The following LTBP4 variants were observed in gnomAD, a reference collection of about 807,000 sequenced individuals.
The protein encoded by LTBP4 is latent-transforming growth factor beta-binding protein 4.
Under a neutral mutation model 180.2 loss-of-function variants are expected in LTBP4, and 93 were observed. That is an observed-to-expected ratio of 0.52 (90% CI 0.44 to 0.61). The LOEUF is 0.61. Ranked by LOEUF, LTBP4 falls within the 20% of genes least tolerant of loss-of-function variation. The pLI is 0.00. For synonymous variants in LTBP4, 947 were observed against 934.5 expected (o/e 1.01, Z -0.24); for missense variants, 2,116 against 2,256.5 (o/e 0.94, Z 1.26).
At position 40,629,381 on chromosome 19, in the gene LTBP4, G is replaced by T; in HGVS notation, c.4520-15G>T. On this transcript the variant is annotated splice_polypyrimidine_tract_variant and intron_variant, in intron 29 of 29. Transcript: ENST00000396819. This position sits in a 1 kb window ranked among gnomAD's most constrained non-coding sequence, Gnocchi z 4.5. ...GCCCCAGCCTTCAGCAGCGATCGTT[G>T]TCTCCCCTCCGCAGACATCAACGAG... The T allele has an allele frequency of 6.2e-7, 1 of 1,612,458 alleles. No homozygotes were observed. The highest frequency in any genetic ancestry group is 8.5e-7 in the Non-Finnish European group (1 of 1,179,376).
Position 40,629,172 on chromosome 19 carries a change from C to T in LTBP4, c.4520-224C>T, listed in dbSNP as rs1313810051. On this transcript the variant is annotated intron_variant, in intron 29 of 29. Transcript: ENST00000396819. The surrounding 1 kb of genome is among the most constrained non-coding windows in gnomAD (Gnocchi z 4.5). ...CCATTATTATTTTCTTAACAAAATC[C>T]TAGTGCGGTATGGGCCACCATATCC... is the stretch of plus-strand genomic sequence containing the variant. Among the ~76,000 whole-genome samples, 1 of 152,082 alleles carries T rather than the reference C, an allele frequency of 6.6e-6. No homozygotes were observed. Among genetic ancestry groups the T allele is most frequent in the Non-Finnish European group, 1.5e-5 (1 of 67,996 alleles).
At chr19:40,600,759 C>T (rs1384457221), upstream of LTBP4, among the ~76,000 whole-genome samples, 1 of 152,190 alleles carries the variant, frequency 6.6e-6, no homozygotes, top group Non-Finnish European at 1.5e-5. This position sits in a 1 kb window ranked among gnomAD's most constrained non-coding sequence, Gnocchi z 4.4. Flanking sequence ...CACAGCCTCC[C>T]TTTATCCATT....
chr19:40,608,067 C>T (rs1403520338), intron 7 of LTBP4, among the ~76,000 whole-genome samples, 153 bp from the exon 8 acceptor site: 9 of 152,216 alleles, frequency 5.9e-5, no homozygotes, highest in Non-Finnish European at 1.3e-4. Flanking sequence ...ACATTCTACT[C>T]TTTGGCCAGG....
rs1220861369 is a variant in LTBP4 at position 40,610,626 on chromosome 19, C to T, written c.1779C>T (p.Tyr593=). The change falls in exon 12 of 30, where the codon TAC becomes TAT. Residue 593 remains tyrosine, a synonymous_variant. Coordinates refer to ENST00000396819, the MANE Select transcript of LTBP4 (RefSeq NM_001042545.2). ...GSFLCVCPAG[Y]QAAPHGASCQ... The stretch of plus-strand genomic sequence containing the variant: ...TCCTGTGCGTGTGCCCCGCCGGGTA[C>T]CAGGCTGCACCGCACGGAGCCAGCT... 1 of 1,584,882 alleles carries T rather than the reference C, an allele frequency of 6.3e-7. No individual in the cohort carries two copies. Among genetic ancestry groups the T allele is most frequent in the Non-Finnish European group, 8.5e-7 (1 of 1,170,968 alleles).
upstream of LTBP4, chr19:40,601,289 G>A (rs1287999085): frequency 1.1e-6 from 1 of 920,024 alleles, no homozygotes; most frequent in Admixed American, 6.3e-5. Context: ...GGGCCTGAGC[G>A]GGGGCGCGGG....
rs1217119409 is a variant in LTBP4 at position 40,609,571 on chromosome 19, G to A, written c.1468G>A (p.Gly490Ser). The A allele has an allele frequency of 1.2e-6, 2 of 1,613,438 alleles. No individual in the cohort carries two copies. Among genetic ancestry groups the A allele is most frequent in the Non-Finnish European group, 8.5e-7 (1 of 1,179,822 alleles). The change falls in exon 10 of 30, where the codon GGC (glycine) becomes AGC (serine). Residue 490 changes from glycine to serine, a missense_variant. Transcript: ENST00000396819. This position sits in a 1 kb window ranked among gnomAD's most constrained non-coding sequence, Gnocchi z 4.9. ...GTGTCAGCGCAACCCCCAGGTCTGC[G>A]GCCCAGGACGCTGCATTTCCCGGCC... ...GMCQRNPQVC[G>S]PGRCISRPSG... is the part of the protein sequence containing the mutation.
chr19:40,608,461 C>G (rs751915508), intron 8 of LTBP4, 23 bp from the exon 9 acceptor site: 3 of 1,593,702 alleles, frequency 1.9e-6, no homozygotes, highest in Admixed American at 3.6e-5. Flanking sequence ...GGGCTCCACT[C>G]GTTGATACCC....
Position 40,611,157 on chromosome 19 carries a change from G to T in LTBP4, c.1816G>T (p.Asp606Tyr), listed in dbSNP as rs1394536847. 2 of 1,612,776 alleles carry T rather than the reference G, an allele frequency of 1.2e-6. No homozygotes were observed. The highest frequency in any genetic ancestry group is 1.7e-5 in the Admixed American group (1 of 59,918). Residue 606 changes from aspartate to tyrosine, a missense_variant, in exon 13 of 30, where the codon GAT (aspartate) becomes TAT (tyrosine). Physicochemically the swap from Asp to Tyr is radical, Grantham distance 160. Coordinates refer to ENST00000396819, the MANE Select transcript of LTBP4 (RefSeq NM_001042545.2). This position sits in a 1 kb window ranked among gnomAD's most constrained non-coding sequence, Gnocchi z 4.4. ...APHGASCQDV[D>Y]ECTQSPGLCG... Reference sequence around the variant, plus strand: ...GGGCCCCCTGCCCTGTGCAGATGTGGATGAATGCACCCAGAGCCCAGGCCT... The same window carrying T: ...GGGCCCCCTGCCCTGTGCAGATGTGTATGAATGCACCCAGAGCCCAGGCCT...
Position 40,622,944 on chromosome 19 carries a change from G to A in LTBP4, c.3485-6G>A, listed in dbSNP as rs369791368. ...TGTCCTGGCTCAGGCTTGTCTCTGT[G>A]TGTAGCTGAGTACCAGTCATTGTGC... On this transcript the variant is annotated splice_polypyrimidine_tract_variant and splice_region_variant and intron_variant, in intron 23 of 29. Transcript: ENST00000396819. The surrounding 1 kb of genome is among the most constrained non-coding windows in gnomAD (Gnocchi z 5.1). 38 of 1,612,938 alleles carry A rather than the reference G, an allele frequency of 2.4e-5. No individual in the cohort carries two copies. The African/African-American group carries it at 4.4e-4, about 19-fold the overall frequency.
intron 1 of LTBP4, among the ~76,000 whole-genome samples, chr19:40,594,124 A>T (rs1406840508): frequency 6.6e-6 from 1 of 151,486 alleles, no homozygotes; most frequent in African/African-American, 2.4e-5. Flanking sequence ...GGAGAGAGAG[A>T]GAGGGAGAGA....
intron 29 of LTBP4, among the ~76,000 whole-genome samples, chr19:40,628,916 C>A (rs1282811850): frequency 6.6e-6 from 1 of 151,530 alleles, no homozygotes; most frequent in African/African-American, 2.4e-5. Flanking sequence ...GTGGCCTGAT[C>A]TCGGCTCACA....
chr19:40,611,091 A>G lies in LTBP4; in HGVS notation c.1811-61A>G. 6.2e-7 allele frequency: 1 copy of G among 1,600,832 alleles called. No individual in the cohort carries two copies. The highest frequency in any genetic ancestry group is 1.3e-5 in the African/African-American group (1 of 74,686). The stretch of plus-strand genomic sequence containing the variant: ...AGAATGTTGGAGGGTGGAAAGCCAA[A>G]GTGACAGAGGTCAGGGAGGCAGAGG... On this transcript the variant is annotated intron_variant, in intron 12 of 29. Coordinates refer to ENST00000396819, the MANE Select transcript of LTBP4 (RefSeq NM_001042545.2). This position sits in a 1 kb window ranked among gnomAD's most constrained non-coding sequence, Gnocchi z 4.4.
Position 40,611,297 on chromosome 19 carries a change from G to A in LTBP4, c.1956G>A (p.Pro652=), listed in dbSNP as rs754189667. Residue 652 remains proline, a synonymous_variant, in exon 13 of 30, where the codon CCG becomes CCA. Coordinates refer to ENST00000396819, the MANE Select transcript of LTBP4 (RefSeq NM_001042545.2). The surrounding 1 kb of genome is among the most constrained non-coding windows in gnomAD (Gnocchi z 4.4). ...TGGATGAGTGTGCCCAGGAGCCGCC[G>A]CCCTGTGGGCCCGGCCGCTGTGACA... ...EDVDECAQEP[P]PCGPGRCDNT... is the part of the protein sequence containing the mutation. 8.7e-6 allele frequency: 14 copies of A among 1,611,332 alleles called. No homozygotes were observed. Among genetic ancestry groups the A allele is most frequent in the Middle Eastern group, 1.8e-4 (1 of 5,620 alleles).
Position 40,622,116 on chromosome 19 carries a change from G to A in LTBP4, c.3218-285G>A, listed in dbSNP as rs1296735264. Among the ~76,000 whole-genome samples the A allele has an allele frequency of 6.6e-6, 1 of 152,204 alleles. No individual in the cohort carries two copies. Among genetic ancestry groups the A allele is most frequent in the African/African-American group, 2.4e-5 (1 of 41,446 alleles). ...CACACTGGATAAGAGACCCAGAGAG[G>A]CATCCAGGAAGCCAGGGAAGTTCCC... On this transcript the variant is annotated intron_variant, in intron 22 of 29. Coordinates refer to ENST00000396819, the MANE Select transcript of LTBP4 (RefSeq NM_001042545.2). This position sits in a 1 kb window ranked among gnomAD's most constrained non-coding sequence, Gnocchi z 5.1.
At position 40,629,583 on chromosome 19, in the gene LTBP4, C is replaced by G. The variant is rs1039472752; in HGVS notation, c.*33C>G. On this transcript the variant is annotated 3_prime_UTR_variant, in exon 30 of 30. Coordinates refer to ENST00000396819, the MANE Select transcript of LTBP4 (RefSeq NM_001042545.2). The surrounding 1 kb of genome is among the most constrained non-coding windows in gnomAD (Gnocchi z 4.5). ...CACCCGCTGGCCGCCCACCCGCGCC[C>G]GCCACTCGGGGCCCCTGCCGCGCAT... 4.4e-6 allele frequency: 6 copies of G among 1,351,982 alleles called. No homozygotes were observed. The South Asian group carries it at 1.0e-4, about 23-fold the overall frequency. The allele number at this position is 1,351,982 out of a possible 1,614,324, so 83.7% of individuals were successfully genotyped here.
Position 40,614,027 on chromosome 19 carries a change from C to T in LTBP4, c.2669C>T (p.Ala890Val), listed in dbSNP as rs1447294387. The T allele has an allele frequency of 3.1e-6, 5 of 1,612,732 alleles. No homozygotes were observed. The African/African-American group carries it at 6.7e-5, about 22-fold the overall frequency. Residue 890 changes from alanine to valine, a missense_variant, in exon 18 of 30, where the codon GCC (alanine) becomes GTC (valine). By Grantham distance (64) the Ala-to-Val change is moderately conservative (BLOSUM62 0). Around this residue, in one of 5 missense-constraint regions of LTBP4, gnomAD observed 877 missense variants for 873.6 expected, o/e 1.00. Coordinates refer to ENST00000396819, the MANE Select transcript of LTBP4 (RefSeq NM_001042545.2). ...GGACACCGCGCTGGCCCGGACCTCG[C>T]CTCCTGCCTCGGTGAGAGGCCCCGC... ...PPGHRAGPDL[A>V]SCLDVDECRE...
Position 40,611,069 on chromosome 19 carries a change from A to G in LTBP4, c.1811-83A>G, listed in dbSNP as rs1338616649. ...ATAGAGATGGGGTCACGGGGACAGA[A>G]TGTTGGAGGGTGGAAAGCCAAAGTG... is the stretch of plus-strand genomic sequence containing the variant. On this transcript the variant is annotated intron_variant, in intron 12 of 29. Transcript: ENST00000396819. The surrounding 1 kb of genome is among the most constrained non-coding windows in gnomAD (Gnocchi z 4.4). The G allele has an allele frequency of 1.9e-6, 3 of 1,570,738 alleles. No individual in the cohort carries two copies. The highest frequency in any genetic ancestry group is 2.6e-6 in the Non-Finnish European group (3 of 1,146,614).
chr19:40,624,823 C>T (rs1213666796), intron 26 of LTBP4, among the ~76,000 whole-genome samples: 1 of 152,010 alleles, frequency 6.6e-6, no homozygotes, highest in African/African-American at 2.4e-5. Context: ...GTCTCTGTCT[C>T]TTTCCAGCTG....
upstream of LTBP4, chr19:40,601,355 G>GGCGGCGGC (rs1215805680): frequency 8.9e-7 from 1 of 1,117,634 alleles, no homozygotes; most frequent in Non-Finnish European, 1.1e-6. Flanking sequence ...GGCGGGCTGG[G>GGCGGCGGC]GCGGCGGCGC....
Sources: gnomAD v4.1 joint callset for allele counts (sites outside exome capture counted in the v4.1 genomes callset) on GRCh38, gnomAD v4.1.1 for gene constraint, gnomAD v4.1.1 regional missense constraint, Gnocchi (gnomAD v3.1) non-coding constraint, MANE v1.5 for transcripts, NCBI Gene and HGNC (gene_info 2026-07-23, HGNC 2026-07-21) for gene names.